Variants in PNPLA7 observed in about 807,000 individuals in gnomAD.
PNPLA7 encodes patatin-like phospholipase domain-containing protein 7.
In PNPLA7, 153 loss-of-function variants were observed where a neutral mutation model predicts 161.7. The ratio of observed to expected loss-of-function variants is 0.95; its 90% CI spans 0.83 to 1.08. The LOEUF (loss-of-function observed/expected upper bound fraction) is 1.08, where lower values mean the gene tolerates loss of function less well. Among genes scored for constraint, PNPLA7 ranks in the 50% least tolerant of loss-of-function variants. The pLI, the probability that PNPLA7 is intolerant of heterozygous loss-of-function variation, is 0.00. For synonymous variants in PNPLA7, 809 were observed against 782.1 expected (o/e 1.03, Z -0.57); for missense variants, 1,739 against 1,856.6 (o/e 0.94, Z 1.16).
chr9:137,519,957 C>T lies in PNPLA7; in HGVS notation c.1044G>A (p.Arg348=). ...KKQVFYGEEE[R]LKKPPRLQES... The stretch of plus-strand genomic sequence containing the variant: ...CCTGGAGCCGCGGTGGCTTTTTAAG[C>T]CGCTCTTCTTCGCCATAGAACACCT... The change falls in exon 11 of 35, where the codon CGG becomes CGA. Residue 348 remains arginine, a synonymous_variant. Coordinates refer to ENST00000406427, the MANE Select transcript of PNPLA7 (RefSeq NM_001098537.3). The T allele has an allele frequency of 6.2e-7, 1 of 1,612,826 alleles. No individual in the cohort carries two copies. Among genetic ancestry groups the T allele is most frequent in the South Asian group, 1.1e-5 (1 of 91,082 alleles).
intron 21 of PNPLA7, among the ~76,000 whole-genome samples, chr9:137,481,877 A>C (rs1296992813): frequency 6.6e-6 from 1 of 152,208 alleles, no homozygotes; most frequent in Non-Finnish European, 1.5e-5. Context: ...TGGAGCTTGC[A>C]GTGAGCTGAG....
chr9:137,543,246 G>T lies in PNPLA7; in HGVS notation c.506+186C>A, dbSNP rs1299829025. On this transcript the variant is annotated intron_variant, in intron 6 of 34. Transcript: ENST00000406427. This position sits in a 1 kb window ranked among gnomAD's most constrained non-coding sequence, Gnocchi z 6.9. ...ACCGGGAAATCGTTCAACAGAACAAGAAAGATCTGGTGAAGGAGCCAGCAG... is the reference window on the plus strand; with the variant it reads ...ACCGGGAAATCGTTCAACAGAACAATAAAGATCTGGTGAAGGAGCCAGCAG... Among the ~76,000 whole-genome samples the T allele has an allele frequency of 1.3e-5, 2 of 152,218 alleles. No homozygotes were observed. Among genetic ancestry groups the T allele is most frequent in the Admixed American group, 6.5e-5 (1 of 15,286 alleles).
chr9:137,506,106 G>C, intron 12 of PNPLA7, 23 bp from the exon 13 acceptor site: 1 of 1,596,690 alleles, frequency 6.3e-7, no homozygotes. Flanking sequence ...GGGACACTCA[G>C]GACACGGTTC....
intron 12 of PNPLA7, among the ~76,000 whole-genome samples, chr9:137,511,801 T>A (rs1021709979): frequency 6.6e-6 from 1 of 152,232 alleles, no homozygotes; most frequent in African/African-American, 2.4e-5. Context: ...AGTAGCAGAA[T>A]TAGCGAAAGT....
chr9:137,487,588 C>G (rs892702598), intron 20 of PNPLA7, among the ~76,000 whole-genome samples: 60 of 152,246 alleles, frequency 3.9e-4, no homozygotes, highest in Admixed American at 3.9e-3. Flanking sequence ...TGCCTGGGGG[C>G]TCTTAGGTCT....
At position 137,468,478 on chromosome 9, in the gene PNPLA7, A is replaced by T. The variant is rs552777053; in HGVS notation, c.2883-1005T>A. 2.5e-4 allele frequency among the ~76,000 whole-genome samples: 38 copies of T among 152,224 alleles called. No homozygotes were observed. The highest frequency in any genetic ancestry group is 4.3e-4 in the Non-Finnish European group (29 of 68,044). Reference sequence around the variant, plus strand: ...AACAGCTGATGAATGGGTACAAAGTAGACAAGGGAAGAGCACCCAGCTCTA... The same window carrying T: ...AACAGCTGATGAATGGGTACAAAGTTGACAAGGGAAGAGCACCCAGCTCTA... On this transcript the variant is annotated intron_variant, in intron 25 of 34. Coordinates refer to ENST00000406427, the MANE Select transcript of PNPLA7 (RefSeq NM_001098537.3). The surrounding 1 kb of genome is among the most constrained non-coding windows in gnomAD (Gnocchi z 4.0).
At chr9:137,536,119 C>T (rs1006608637) in intron 8 of PNPLA7, among the ~76,000 whole-genome samples, 1 of 149,860 alleles carries the variant, frequency 6.7e-6, no homozygotes, top group Non-Finnish European at 1.5e-5. Context: ...CGCCACTGCA[C>T]TCCAGCCTGG....
chr9:137,462,348 C>T lies in PNPLA7; in HGVS notation c.3493-17G>A, dbSNP rs764738755. On this transcript the variant is annotated splice_polypyrimidine_tract_variant and intron_variant, in intron 30 of 34. Coordinates refer to ENST00000406427, the MANE Select transcript of PNPLA7 (RefSeq NM_001098537.3). ...GTTCAACACCTGCTGCCGTCACAGC[C>T]GCCTGAGTCTCCTGCCCCGGCCCCT... is the stretch of plus-strand genomic sequence containing the variant. The T allele has an allele frequency of 5.1e-6, 8 of 1,583,852 alleles. No homozygotes were observed. The highest frequency in any genetic ancestry group is 1.3e-5 in the African/African-American group (1 of 74,440).
rs543386214 is a variant in PNPLA7, at chr9:137,499,169, C to T, written c.1758-924G>A. Among the ~76,000 whole-genome samples, 167 of 151,290 alleles carry T rather than the reference C, an allele frequency of 1.1e-3. 1 individual carries two copies. The highest frequency in any genetic ancestry group is 1.8e-3 in the African/African-American group (74 of 41,206). On this transcript the variant is annotated intron_variant, in intron 16 of 34. Transcript: ENST00000406427. This position sits in a 1 kb window ranked among gnomAD's most constrained non-coding sequence, Gnocchi z 5.5. ...GGAGACAGAGACACTCGCAGACACA[C>T]GGACACACGGAGACACACGGACACA... is the stretch of plus-strand genomic sequence containing the variant.
At chr9:137,502,660 A>G (rs1193992810) in intron 14 of PNPLA7, among the ~76,000 whole-genome samples, 10 of 4,028 alleles carry the variant, frequency 2.5e-3, no homozygotes, top group African/African-American at 0.012. Flanking sequence ...AGCTGCACTA[A>G]GAAAGTCAGA....
In PNPLA7 at chr9:137,476,915, C is replaced by T. The variant is rs943348760; in HGVS notation, c.2882+1119G>A. On this transcript the variant is annotated intron_variant, in intron 25 of 34. Transcript: ENST00000406427. The surrounding 1 kb of genome is among the most constrained non-coding windows in gnomAD (Gnocchi z 4.5). ...CTTAGACAGAAGGATGCAGTGGGCA[C>T]CTCATCACCTAGAACAGCCCCAGGC... is the stretch of plus-strand genomic sequence containing the variant. 1.1e-4 allele frequency among the ~76,000 whole-genome samples: 16 copies of T among 152,242 alleles called. No homozygotes were observed. Among genetic ancestry groups the T allele is most frequent in the African/African-American group, 3.6e-4 (15 of 41,470 alleles).
chr9:137,482,370 C>T (rs569631143), intron 21 of PNPLA7, among the ~76,000 whole-genome samples: 46 of 152,316 alleles, frequency 3.0e-4, no homozygotes, highest in African/African-American at 9.9e-4. Context: ...AACTGTGGTG[C>T]GTCCAGGCAG....
In PNPLA7 at chr9:137,460,431, G is replaced by T; in HGVS notation, c.3991C>A (p.Pro1331Thr). ...TCAGAGGAGCCCTCAGACAGTTTTG[G>T]GAAAGCCAGACTGGGGTGTCGATGC... ...LRHRHPSLAF[P>T]KLSEGSSDQD... Residue 1331 changes from proline (P) to threonine (T), a missense_variant, in exon 35 of 35, where the codon CCA becomes ACA. Physicochemically the swap from Pro to Thr is conservative, Grantham distance 38. Coordinates refer to ENST00000406427, the MANE Select transcript of PNPLA7 (RefSeq NM_001098537.3). The T allele has an allele frequency of 1.9e-6, 3 of 1,612,708 alleles. No individual in the cohort carries two copies. The highest frequency in any genetic ancestry group is 2.5e-6 in the Non-Finnish European group (3 of 1,179,906).
Position 137,515,408 on chromosome 9 carries a change from GC to G in PNPLA7, c.1195del (p.Ala399GlnfsTer49). 6.2e-7 allele frequency: 1 copy of G among 1,604,306 alleles called. No homozygotes were observed. On this transcript the variant is annotated frameshift_variant, in exon 12 of 35. Transcript: ENST00000406427. LOFTEE classifies it high-confidence loss of function. ...TGGGGCCGAAGGGTCAGGGTCACCT[GC>G]CCCGGGCTTCTCCAGCTCCTCCAAG... Reference protein sequence around the residue: ...QILEELEKPGAGDPDPSAPQG... With the variant: ...QILEELEKPGXGDPDPSAPQG...
Position 137,524,325 on chromosome 9 carries a change from G to A in PNPLA7, c.748-1468C>T, listed in dbSNP as rs776948843. On this transcript the variant is annotated intron_variant, in intron 8 of 34. Coordinates refer to ENST00000406427, the MANE Select transcript of PNPLA7 (RefSeq NM_001098537.3). The surrounding 1 kb of genome is among the most constrained non-coding windows in gnomAD (Gnocchi z 4.4). The stretch of plus-strand genomic sequence containing the variant: ...CTCGTGGAGGCCTCGCAGGGTCTCC[G>A]TCCATTCAGCAGTCGAGATTCCCCC... Among the ~76,000 whole-genome samples the A allele has an allele frequency of 2.0e-5, 3 of 151,734 alleles. No individual in the cohort carries two copies. Among genetic ancestry groups the A allele is most frequent in the South Asian group, 2.1e-4 (1 of 4,814 alleles).
chr9:137,494,196 C>G (rs1832915516), intron 19 of PNPLA7, among the ~76,000 whole-genome samples: 1 of 152,188 alleles, frequency 6.6e-6, no homozygotes, highest in Non-Finnish European at 1.5e-5. Context: ...CTTCAGGCCC[C>G]TCTGCCGGTC....
Position 137,541,655 on chromosome 9 carries a change from G to T in PNPLA7, c.667-933C>A, listed in dbSNP as rs530660439. 2.9e-4 allele frequency: 60 copies of T among 205,454 alleles called. No homozygotes were observed. The highest frequency in any genetic ancestry group is 4.5e-4 in the Non-Finnish European group (53 of 116,724). 12.7% of individuals were successfully genotyped at this position (205,454 alleles called of 1,614,324 possible). A position where few individuals can be genotyped will look rare whatever the true frequency, so the allele number is the denominator to read the frequency against. On this transcript the variant is annotated intron_variant, in intron 7 of 34. Transcript: ENST00000406427. The surrounding 1 kb of genome is among the most constrained non-coding windows in gnomAD (Gnocchi z 4.4). ...CAGACAAAGCCACACCACCCTCCAG[G>T]AGAGCAACACAGCGCCAAAGAGGCC...
intron 21 of PNPLA7, among the ~76,000 whole-genome samples, chr9:137,481,705 G>A (rs1391989006): frequency 6.6e-6 from 1 of 152,214 alleles, no homozygotes; most frequent in East Asian, 1.9e-4. Context: ...GCTCACGCCT[G>A]TAATCCCAGC....
At chr9:137,472,017 T>C (rs1037331479) in intron 25 of PNPLA7, among the ~76,000 whole-genome samples, 6 of 151,694 alleles carry the variant, frequency 4.0e-5, no homozygotes, top group African/African-American at 1.2e-4. Flanking sequence ...TCACTAAGGA[T>C]AGAGAAACAC....
Sources: gnomAD v4.1 joint callset for allele counts (sites outside exome capture counted in the v4.1 genomes callset) on GRCh38, gnomAD v4.1.1 for gene constraint, Gnocchi (gnomAD v3.1) non-coding constraint, MANE v1.5 for transcripts, NCBI Gene and HGNC (gene_info 2026-07-23, HGNC 2026-07-21) for gene names.